The following CSMD1 variants were observed in gnomAD, a reference collection of about 807,000 sequenced individuals.
CSMD1 encodes CUB and sushi domain-containing protein 1.
In CSMD1, 213 loss-of-function variants were observed where a neutral mutation model predicts 417.5. That is an observed-to-expected ratio of 0.51 (90% CI 0.46 to 0.57). The LOEUF is 0.57. Among genes scored for constraint, CSMD1 ranks in the 20% least tolerant of loss-of-function variants. CSMD1 has a pLI of 0.00. For missense variants in CSMD1, 6,923 were observed against 4,529.7 expected, an observed-to-expected ratio of 1.53 and a Z score of -15.17; for synonymous variants, 2,862 against 1,736.8, an observed-to-expected ratio of 1.65 and a Z score of -16.11.
chr8:4,735,185 C>T (rs1400884627), intron 1 of CSMD1, among the ~76,000 whole-genome samples: 3 of 152,126 alleles, frequency 2.0e-5, no homozygotes, highest in Non-Finnish European at 4.4e-5. Context: ...GAGGAATGCC[C>T]CCTTCTCTTT....
chr8:4,251,018 A>G (rs752994095), intron 3 of CSMD1, among the ~76,000 whole-genome samples: 22 of 152,200 alleles, frequency 1.4e-4, no homozygotes, highest in Non-Finnish European at 2.6e-4. Flanking sequence ...AATGACAAGC[A>G]TATTTTTAGA....
At chr8:3,704,713 T>A (rs1299567908) in intron 7 of CSMD1, 1 of 152,200 alleles carries the variant, frequency 6.6e-6, no homozygotes, top group Admixed American at 6.5e-5. Context: ...TAAGCTTGGA[T>A]AACACCTTAG....
chr8:4,843,657 T>G (rs1800965599), intron 1 of CSMD1, among the ~76,000 whole-genome samples: 1 of 152,200 alleles, frequency 6.6e-6, no homozygotes, highest in African/African-American at 2.4e-5. Flanking sequence ...TCTTATTAAA[T>G]GAATTTCACT....
At chr8:4,393,451 A>G (rs892043097) in intron 3 of CSMD1, among the ~76,000 whole-genome samples, 2 of 152,218 alleles carry the variant, frequency 1.3e-5, no homozygotes, top group African/African-American at 4.8e-5. Flanking sequence ...AGTTTTATGA[A>G]TATCACATGC....
At chr8:3,838,529 T>A (rs956635765) in intron 5 of CSMD1, among the ~76,000 whole-genome samples, 1 of 131,732 alleles carries the variant, frequency 7.6e-6, no homozygotes, top group African/African-American at 2.9e-5. Context: ...ATAGCCTATA[T>A]ATATAGTCTA....
intron 1 of CSMD1, among the ~76,000 whole-genome samples, chr8:4,811,119 C>G (rs1288759237): frequency 6.6e-6 from 1 of 152,150 alleles, no homozygotes; most frequent in East Asian, 1.9e-4. Flanking sequence ...TTTATGGCAA[C>G]ACATAAATGA....
intron 5 of CSMD1, among the ~76,000 whole-genome samples, chr8:3,981,461 C>G (rs991222482): frequency 7.3e-6 from 1 of 137,476 alleles, no homozygotes; most frequent in Non-Finnish European, 1.5e-5. Context: ...ACTCATGTAT[C>G]CAAATACCAC....
chr8:4,768,871 A>T (rs1243729913), intron 1 of CSMD1, among the ~76,000 whole-genome samples: 1 of 152,148 alleles, frequency 6.6e-6, no homozygotes, highest in African/African-American at 2.4e-5. Flanking sequence ...CATGACTTCC[A>T]CTTCTCCCCT....
chr8:3,254,245 CT>C (rs1800480072), intron 26 of CSMD1, among the ~76,000 whole-genome samples: 1 of 152,216 alleles, frequency 6.6e-6, no homozygotes. Flanking sequence ...GAGAGATCAG[CT>C]GTTAGTCTGA....
intron 5 of CSMD1, among the ~76,000 whole-genome samples, chr8:3,987,944 G>C (rs1173702196): frequency 6.6e-6 from 1 of 152,148 alleles, no homozygotes; most frequent in African/African-American, 2.4e-5. Context: ...TCAAAGGACT[G>C]AGAAATCCAC....
chr8:4,514,964 C>T (rs1172470635), intron 2 of CSMD1, among the ~76,000 whole-genome samples: 1 of 152,154 alleles, frequency 6.6e-6, no homozygotes, highest in Non-Finnish European at 1.5e-5. Context: ...GATTTTTGGC[C>T]TTTTAAGCCT....
intron 1 of CSMD1, among the ~76,000 whole-genome samples, chr8:4,796,132 A>C (rs904476857): frequency 6.6e-6 from 1 of 152,070 alleles, no homozygotes; most frequent in African/African-American, 2.4e-5. Flanking sequence ...GAGATCCAGG[A>C]CCAAAAAAAC....
intron 1 of CSMD1, among the ~76,000 whole-genome samples, chr8:4,956,289 A>C (rs1180503659): frequency 6.6e-6 from 1 of 151,858 alleles, no homozygotes; most frequent in Non-Finnish European, 1.5e-5. Context: ...ATAGTCTCAT[A>C]ATTTTAAAAC....
intron 2 of CSMD1, among the ~76,000 whole-genome samples, chr8:4,518,924 A>G (rs1240163812): frequency 2.0e-5 from 3 of 152,214 alleles, no homozygotes; most frequent in Non-Finnish European, 2.9e-5. Context: ...CATGAGTTAA[A>G]GAATTTATCA....
chr8:4,146,362 A>C (rs1009054381), intron 3 of CSMD1, among the ~76,000 whole-genome samples: 1 of 150,654 alleles, frequency 6.6e-6, no homozygotes, highest in Non-Finnish European at 1.5e-5. Flanking sequence ...CTTCAGCCCA[A>C]CATCGACTTG....
chr8:4,701,462 C>T (rs1341425073), intron 1 of CSMD1, among the ~76,000 whole-genome samples: 2 of 152,052 alleles, frequency 1.3e-5, no homozygotes, highest in South Asian at 2.1e-4. Context: ...GGGCCATGCA[C>T]AGTACTCCTC....
At chr8:3,803,256 C>T (rs1480174989) in intron 5 of CSMD1, among the ~76,000 whole-genome samples, 2 of 152,090 alleles carry the variant, frequency 1.3e-5, no homozygotes, top group Non-Finnish European at 2.9e-5. Flanking sequence ...GGCATAAAGT[C>T]AGGAACACGG....
At chr8:3,503,975 T>C (rs752464226) in intron 10 of CSMD1, among the ~76,000 whole-genome samples, 8 of 152,082 alleles carry the variant, frequency 5.3e-5, no homozygotes, top group Non-Finnish European at 8.8e-5. Flanking sequence ...GTGGTTGATT[T>C]TGGGGTATGA....
chr8:4,600,027 A>C (rs1429334719), intron 2 of CSMD1, among the ~76,000 whole-genome samples: 1 of 152,184 alleles, frequency 6.6e-6, no homozygotes, highest in Non-Finnish European at 1.5e-5. Flanking sequence ...TGGTTACCGC[A>C]GAACAGATCA....
Sources: gnomAD v4.1 joint callset for allele counts (sites outside exome capture counted in the v4.1 genomes callset) on GRCh38, gnomAD v4.1.1 for gene constraint, MANE v1.5 for transcripts, NCBI Gene and HGNC (gene_info 2026-07-23, HGNC 2026-07-21) for gene names.